The following GALNT14 variants were observed in gnomAD, a reference collection of about 807,000 sequenced individuals.
The protein encoded by GALNT14 is UDP-GalNAc:polypeptide N-acetylgalactosaminyltransferase 14.
A neutral mutation model predicts 77.5 loss-of-function variants in GALNT14; 60 were observed. The observed-to-expected ratio is 0.77, with a 90% CI of 0.63 to 0.96. The LOEUF is 0.96. Ranked by LOEUF, GALNT14 falls within the 40% of genes least tolerant of loss-of-function variation. GALNT14 has a pLI of 0.00. For synonymous variants in GALNT14, 280 were observed against 281.7 expected (o/e 0.99, Z 0.06); for missense variants, 710 against 731.0 (o/e 0.97, Z 0.33).
intron 2 of GALNT14, among the ~76,000 whole-genome samples, chr2:30,971,102 T>C (rs536061099): frequency 1.1e-4 from 16 of 152,096 alleles, no homozygotes; most frequent in South Asian, 4.2e-4. Context: ...AGCATGGGGA[T>C]AGGCAGCAAC....
At chr2:31,084,503 G>T (rs537058269) in intron 1 of GALNT14, among the ~76,000 whole-genome samples, 2 of 152,216 alleles carry the variant, frequency 1.3e-5, no homozygotes, top group Non-Finnish European at 2.9e-5. Flanking sequence ...GTTTATAAAA[G>T]ACTTTAGTGC....
the GALNT14 span, among the ~76,000 whole-genome samples, chr2:30,890,024 G>A: frequency 6.6e-6 from 1 of 152,130 alleles, no homozygotes; most frequent in Non-Finnish European, 1.5e-5. Context: ...AAAGAGGGGT[G>A]TAGAAGAAAA....
the GALNT14 span, among the ~76,000 whole-genome samples, chr2:30,900,465 C>A: frequency 6.6e-6 from 1 of 152,152 alleles, no homozygotes. Flanking sequence ...CGTTTGATAA[C>A]TGTAGCCAGG....
At chr2:30,929,085 G>A (rs1467791128) in intron 11 of GALNT14, among the ~76,000 whole-genome samples, 1 of 152,208 alleles carries the variant, frequency 6.6e-6, no homozygotes, top group Non-Finnish European at 1.5e-5. Flanking sequence ...GAAGGACTAA[G>A]GCTGTCTAGT....
At chr2:31,109,814 C>T (rs576904927) in intron 1 of GALNT14, among the ~76,000 whole-genome samples, 16 of 152,192 alleles carry the variant, frequency 1.1e-4, no homozygotes, top group South Asian at 4.2e-4. Flanking sequence ...CTACTTAGCG[C>T]GCCAGGACAA....
intron 8 of GALNT14, among the ~76,000 whole-genome samples, chr2:30,944,085 C>T (rs1036801061): frequency 7.2e-5 from 11 of 152,314 alleles, no homozygotes; most frequent in African/African-American, 2.6e-4. Flanking sequence ...ACTTCTTATC[C>T]TCCTGCTGCC....
rs906126650 is a variant in GALNT14 at position 30,924,600 on chromosome 2, G to A, written c.1235+140C>T. ...GTCCCTCCGGGTTTTAGGGGTGAAC[G>A]GAGCCAACTGGTCTTCTTACACCTC... On this transcript the variant is annotated intron_variant, in intron 12 of 14. Coordinates refer to ENST00000349752, the MANE Select transcript of GALNT14 (RefSeq NM_024572.4). 29 of 664,440 alleles carry A rather than the reference G, an allele frequency of 4.4e-5. No homozygotes were observed. The Middle Eastern group carries it at 1.6e-3, about 36-fold the overall frequency. 41.2% of individuals were successfully genotyped at this position (664,440 alleles called of 1,614,324 possible).
chr2:31,110,833 T>C (rs1288641162), intron 1 of GALNT14, among the ~76,000 whole-genome samples: 8 of 152,196 alleles, frequency 5.3e-5, no homozygotes, highest in African/African-American at 1.9e-4. Flanking sequence ...ACACAGGCAC[T>C]AGATTCACGT....
intron 12 of GALNT14, 99 bp from the exon 13 acceptor site, chr2:30,924,362 C>T: frequency 9.2e-6 from 12 of 1,311,048 alleles, no homozygotes; most frequent in Non-Finnish European, 1.3e-5. Context: ...AATGGCAGGG[C>T]TGGGCTGTTA....
intron 1 of GALNT14, among the ~76,000 whole-genome samples, chr2:31,113,662 A>G (rs1430176172): frequency 6.6e-6 from 1 of 152,210 alleles, no homozygotes; most frequent in Admixed American, 6.5e-5. Flanking sequence ...ACACACTGAC[A>G]GAGCAGGAGA....
intron 1 of GALNT14, among the ~76,000 whole-genome samples, chr2:31,112,961 T>C (rs1391879830): frequency 6.6e-6 from 1 of 152,194 alleles, no homozygotes; most frequent in Non-Finnish European, 1.5e-5. Flanking sequence ...TGGTGTTATA[T>C]GCAGCTACTA....
chr2:31,069,863 T>C (rs1675232694), intron 1 of GALNT14, among the ~76,000 whole-genome samples: 1 of 152,162 alleles, frequency 6.6e-6, no homozygotes, highest in African/African-American at 2.4e-5. Flanking sequence ...ACTGCTGTCA[T>C]TTGTCTCCTC....
At chr2:31,019,102 C>T (rs1306054977) in intron 1 of GALNT14, among the ~76,000 whole-genome samples, 1 of 152,116 alleles carries the variant, frequency 6.6e-6, no homozygotes, top group Non-Finnish European at 1.5e-5. Flanking sequence ...TCCCCAGGGC[C>T]ACAGCCTGGC....
chr2:31,110,875 G>C (rs1677799256), intron 1 of GALNT14, among the ~76,000 whole-genome samples: 1 of 152,114 alleles, frequency 6.6e-6, no homozygotes, highest in African/African-American at 2.4e-5. Context: ...ATTTTTTAAA[G>C]CTATAACTCA....
chr2:31,125,872 T>C (rs1298440176), intron 1 of GALNT14, among the ~76,000 whole-genome samples: 2 of 152,228 alleles, frequency 1.3e-5, no homozygotes, highest in Non-Finnish European at 2.9e-5. Flanking sequence ...CTGCAGTTTT[T>C]AGCCATTCAT....
intron 1 of GALNT14, among the ~76,000 whole-genome samples, chr2:31,123,690 A>C (rs905371264): frequency 3.9e-5 from 6 of 152,180 alleles, no homozygotes; most frequent in African/African-American, 1.4e-4. Flanking sequence ...TTAAACTTCA[A>C]CCACAGTTTT....
chr2:31,026,130 A>G (rs946964788), intron 1 of GALNT14, among the ~76,000 whole-genome samples: 2 of 152,220 alleles, frequency 1.3e-5, no homozygotes, highest in Admixed American at 6.5e-5. Context: ...CGAGTCCACC[A>G]GAGACCCCTG....
intron 4 of GALNT14, among the ~76,000 whole-genome samples, chr2:30,957,605 C>T (rs1667443460): frequency 6.6e-6 from 1 of 152,164 alleles, no homozygotes. Flanking sequence ...CCCAGAGGTT[C>T]TGAGGCAGCA....
At chr2:30,940,090 G>A (rs1235348519) in intron 9 of GALNT14, among the ~76,000 whole-genome samples, 1 of 152,042 alleles carries the variant, frequency 6.6e-6, no homozygotes, top group Non-Finnish European at 1.5e-5. Context: ...AAAATGAAGT[G>A]TTCCCTGTGA....
Sources: allele counts gnomAD v4.1 joint callset (sites outside exome capture counted in the v4.1 genomes callset), GRCh38; gene constraint gnomAD v4.1.1; transcripts MANE v1.5; gene names NCBI Gene and HGNC (gene_info 2026-07-23, HGNC 2026-07-21).